DRAXIN: variants seen among roughly 807,000 people sequenced by gnomAD.
DRAXIN encodes the protein dorsal inhibitory axon guidance protein, also known as dorsal repulsive axon guidance protein.
DRAXIN carries 27 observed loss-of-function variants against 33.9 expected under a neutral mutation model. That is an observed-to-expected ratio of 0.80 (90% CI 0.59 to 1.10). The LOEUF (loss-of-function observed/expected upper bound fraction) is 1.10. Among genes scored for constraint, DRAXIN ranks in the 50% least tolerant of loss-of-function variants. DRAXIN has a pLI of 0.00. For missense variants in DRAXIN, 371 were observed against 460.8 expected (o/e 0.81, Z 1.78); for synonymous variants, 178 against 194.0 (o/e 0.92, Z 0.69).
chr1:11,693,932 G>T (rs113345114), intron 1 of DRAXIN, among the ~76,000 whole-genome samples: 1 of 152,082 alleles, frequency 6.6e-6, no homozygotes, highest in East Asian at 1.9e-4. Flanking sequence ...TCCCCTCTGC[G>T]TCCCAGGTTG....
Position 11,706,483 on chromosome 1 carries a change from C to T in DRAXIN, c.225C>T (p.Ala75=). ...KEWGPGLPSQ[A]QDGAVVTATR... is the part of the protein sequence containing the mutation. ...GGGGCCCAGGCCTGCCCAGCCAGGCCCAGGATGGGGCTGTGGTCACCGCCA... is the reference window on the plus strand; with the variant it reads ...GGGGCCCAGGCCTGCCCAGCCAGGCTCAGGATGGGGCTGTGGTCACCGCCA... Residue 75 remains alanine, a synonymous_variant, in exon 2 of 7, where the codon GCC becomes GCT. Coordinates refer to ENST00000294485, the MANE Select transcript of DRAXIN (RefSeq NM_198545.4). The surrounding 1 kb of genome is among the most constrained non-coding windows in gnomAD (Gnocchi z 5.5). The T allele has an allele frequency of 1.2e-6, 2 of 1,611,102 alleles. No homozygotes were observed. Among genetic ancestry groups the T allele is most frequent in the Admixed American group, 1.7e-5 (1 of 59,872 alleles).
chr1:11,698,042 C>G (rs1225257829), intron 1 of DRAXIN, among the ~76,000 whole-genome samples: 1 of 152,080 alleles, frequency 6.6e-6, no homozygotes, highest in Non-Finnish European at 1.5e-5. Context: ...TCCATCCATA[C>G]CCGGAACACC....
chr1:11,687,219 T>C (rs1373351558), upstream of DRAXIN, among the ~76,000 whole-genome samples: 1 of 152,038 alleles, frequency 6.6e-6, no homozygotes, highest in Non-Finnish European at 1.5e-5. The surrounding 1 kb of genome is among the most constrained non-coding windows in gnomAD (Gnocchi z 4.1). Flanking sequence ...GTGTGCACCA[T>C]CACACCCAGC....
intron 6 of DRAXIN, among the ~76,000 whole-genome samples, chr1:11,715,716 G>A (rs1231318883): frequency 1.3e-5 from 2 of 152,170 alleles, no homozygotes; most frequent in African/African-American, 4.8e-5. Context: ...GCCTAAGTGT[G>A]CTGGGCTCTG....
At chr1:11,718,198 C>A (rs577758031) in intron 6 of DRAXIN, among the ~76,000 whole-genome samples, 1 of 150,236 alleles carries the variant, frequency 6.7e-6, no homozygotes, top group South Asian at 2.1e-4. Context: ...TGCCTGTAAT[C>A]CCAGCTACTC....
At chr1:11,691,161 C>T (rs1231170002), upstream of DRAXIN, among the ~76,000 whole-genome samples, 1 of 152,208 alleles carries the variant, frequency 6.6e-6, no homozygotes, top group Non-Finnish European at 1.5e-5. Context: ...CCGCCTCCCC[C>T]GCCCTGGGCA....
At chr1:11,712,796 G>A (rs893226627) in intron 5 of DRAXIN, among the ~76,000 whole-genome samples, 3 of 152,142 alleles carry the variant, frequency 2.0e-5, no homozygotes, top group Admixed American at 6.5e-5. Flanking sequence ...CTACTCGGGA[G>A]GATGAGGCAG....
At chr1:11,708,083 G>A (rs1169605396) in intron 2 of DRAXIN, among the ~76,000 whole-genome samples, 2 of 152,204 alleles carry the variant, frequency 1.3e-5, no homozygotes, top group African/African-American at 4.8e-5. Flanking sequence ...CCCCGGCTTC[G>A]ACTTTCAGCC....
Position 11,694,566 on chromosome 1 carries a change from C to T in DRAXIN, c.-11+2713C>T, listed in dbSNP as rs998258511. ...GTGGGACCCAGAGGGAGTTCCTTCACGTGTGTCGGCCAGGAATGTGATGGA... is the reference window on the plus strand; with the variant it reads ...GTGGGACCCAGAGGGAGTTCCTTCATGTGTGTCGGCCAGGAATGTGATGGA... On this transcript the variant is annotated intron_variant, in intron 1 of 6. Transcript: ENST00000294485. This position sits in a 1 kb window ranked among gnomAD's most constrained non-coding sequence, Gnocchi z 4.9. Among the ~76,000 whole-genome samples the T allele has an allele frequency of 6.6e-6, 1 of 152,124 alleles. No individual in the cohort carries two copies. The highest frequency in any genetic ancestry group is 1.5e-5 in the Non-Finnish European group (1 of 68,018).
chr1:11,716,893 G>A (rs1641586381), intron 6 of DRAXIN, among the ~76,000 whole-genome samples: 1 of 152,232 alleles, frequency 6.6e-6, no homozygotes, highest in Admixed American at 6.5e-5. Context: ...GGGGGGTTCA[G>A]TAGTGAAAAG....
At chr1:11,707,510 C>T (rs1641407900) in intron 2 of DRAXIN, among the ~76,000 whole-genome samples, 1 of 152,190 alleles carries the variant, frequency 6.6e-6, no homozygotes, top group Admixed American at 6.5e-5. Flanking sequence ...ATCCCATCTA[C>T]CCTCAGTGTC....
At chr1:11,710,921 CAA>C (rs57916288) in intron 3 of DRAXIN, among the ~76,000 whole-genome samples, 3 of 90,154 alleles carry the variant, frequency 3.3e-5, no homozygotes, top group Non-Finnish European at 3.9e-5. Context: ...GACTCCATCT[CAA>C]AAAAAAAAAA....
intron 2 of DRAXIN, among the ~76,000 whole-genome samples, chr1:11,709,070 G>C (rs944842438): frequency 4.6e-5 from 7 of 152,210 alleles, no homozygotes; most frequent in Non-Finnish European, 1.0e-4. Flanking sequence ...CAGCGACACT[G>C]CAAGTTCTTC....
intron 6 of DRAXIN, among the ~76,000 whole-genome samples, chr1:11,715,788 GCACTGTA>G (rs1348845533): frequency 6.6e-6 from 1 of 152,164 alleles, no homozygotes; most frequent in Non-Finnish European, 1.5e-5. Flanking sequence ...ATGATGATCC[GCACTGTA>G]CAAATAAGCC....
chr1:11,701,198 C>T (rs923068409), intron 1 of DRAXIN, among the ~76,000 whole-genome samples: 9 of 152,208 alleles, frequency 5.9e-5, no homozygotes, highest in African/African-American at 2.2e-4. Flanking sequence ...TGCCTCTCAC[C>T]GCGAGGATGA....
rs141985528 is a variant in DRAXIN, at chr1:11,706,055, G to A, written c.-10-194G>A. Among the ~76,000 whole-genome samples the A allele has an allele frequency of 5.3e-5, 8 of 152,124 alleles. No individual in the cohort carries two copies. Among genetic ancestry groups the A allele is most frequent in the Admixed American group, 2.0e-4 (3 of 15,264 alleles). Reference sequence around the variant, plus strand: ...TTGTCGGGCGTTTAGCAGCATCCACGGGCTCCAACCTCTACCTGCCAGTAG... The same window carrying A: ...TTGTCGGGCGTTTAGCAGCATCCACAGGCTCCAACCTCTACCTGCCAGTAG... On this transcript the variant is annotated intron_variant, in intron 1 of 6. Transcript: ENST00000294485. The surrounding 1 kb of genome is among the most constrained non-coding windows in gnomAD (Gnocchi z 5.5).
Position 11,709,355 on chromosome 1 carries a change from G to C in DRAXIN, c.532G>C (p.Glu178Gln), listed in dbSNP as rs755494459. The change falls in exon 3 of 7, where the codon GAG becomes CAG. Residue 178 changes from glutamate to glutamine, a missense_variant. Physicochemically the swap from Glu to Gln is conservative, Grantham distance 29. Transcript: ENST00000294485. ...AGCCCAGGTGCTGGATGCAGCCATG[G>C]AGGAATCCTCCACCAGCCTGGCGCC... Reference protein sequence around the residue: ...SEAQVLDAAMEESSTSLAPTM... With the variant: ...SEAQVLDAAMQESSTSLAPTM... The C allele has an allele frequency of 6.2e-7, 1 of 1,614,032 alleles. No individual in the cohort carries two copies. Among genetic ancestry groups the C allele is most frequent in the Non-Finnish European group, 8.5e-7 (1 of 1,179,952 alleles).
At chr1:11,700,870 T>A (rs1641262831) in intron 1 of DRAXIN, among the ~76,000 whole-genome samples, 1 of 152,182 alleles carries the variant, frequency 6.6e-6, no homozygotes, top group Admixed American at 6.5e-5. Context: ...GCCGCAGGAA[T>A]GCTGGTCCGA....
At chr1:11,702,134 T>C (rs974290973) in intron 1 of DRAXIN, among the ~76,000 whole-genome samples, 1 of 143,072 alleles carries the variant, frequency 7.0e-6, no homozygotes, top group African/African-American at 2.7e-5. Flanking sequence ...CTCACACTCA[T>C]ACGTACACGC....
Sources: gnomAD v4.1 joint callset for allele counts (sites outside exome capture counted in the v4.1 genomes callset) on GRCh38, gnomAD v4.1.1 for gene constraint, Gnocchi (gnomAD v3.1) non-coding constraint, MANE v1.5 for transcripts, NCBI Gene and HGNC (gene_info 2026-07-23, HGNC 2026-07-21) for gene names.